The following ST14 variants were observed in gnomAD, a reference collection of about 807,000 sequenced individuals.
ST14 encodes ST14 transmembrane serine protease matriptase, also known as suppressor of tumorigenicity 14 protein.
ST14 carries 40 observed loss-of-function variants against 96.5 expected under a neutral mutation model. The ratio of observed to expected loss-of-function variants is 0.41; its 90% CI spans 0.32 to 0.54. ST14 has a LOEUF of 0.54. ST14 is among the 20% of genes least tolerant of loss of function. The probability of loss-of-function intolerance (pLI) is 0.17; values close to 1 mark genes in which losing one functional copy is unlikely to be tolerated. For missense variants in ST14, 1,066 were observed against 1,188.9 expected (o/e 0.90, Z 1.52); for synonymous variants, 506 against 492.1 (o/e 1.03, Z -0.37).
At chr11:130,197,415 C>T (rs1343634713) in intron 11 of ST14, among the ~76,000 whole-genome samples, 3 of 152,256 alleles carry the variant, frequency 2.0e-5, no homozygotes, top group South Asian at 2.1e-4. Flanking sequence ...AGGAAGTGCG[C>T]GATGCCGCAC....
chr11:130,174,512 G>A (rs1953119063), intron 1 of ST14, among the ~76,000 whole-genome samples: 1 of 151,122 alleles, frequency 6.6e-6, no homozygotes, highest in Non-Finnish European at 1.5e-5. Context: ...GTGTGTGGGT[G>A]TGGGGTGGGG....
At chr11:130,199,829 T>C in intron 15 of ST14, 122 bp from the exon 16 acceptor site, 1 of 1,213,774 alleles carries the variant, frequency 8.2e-7, no homozygotes, top group South Asian at 1.2e-5. Context: ...ACGCCAGCAG[T>C]GCTGTGCACG....
Position 130,190,812 on chromosome 11 carries a change from C to T in ST14, c.875+118C>T, listed in dbSNP as rs1459281533. 4.5e-6 allele frequency: 6 copies of T among 1,327,982 alleles called. No individual in the cohort carries two copies. The Admixed American group carries it at 1.1e-4, about 24-fold the overall frequency. 82.3% of individuals were successfully genotyped at this position (1,327,982 alleles called of 1,614,324 possible). ...CTCTTGGCCGCAGGCCACTGCTAAA[C>T]ATCCAGGCAGCAGGAGGCACGTGTG... On this transcript the variant is annotated intron_variant, in intron 7 of 18. Coordinates refer to ENST00000278742, the MANE Select transcript of ST14 (RefSeq NM_021978.4).
chr11:130,180,034 A>T lies in ST14; in HGVS notation c.82-8080A>T, dbSNP rs541160994. On this transcript the variant is annotated intron_variant, in intron 1 of 18. Coordinates refer to ENST00000278742, the MANE Select transcript of ST14 (RefSeq NM_021978.4). ...ATTACAGGGATAGTTTATGGTTCTC[A>T]TGACCCTGGTGGGGGTGATGACATC... 1.6e-4 allele frequency among the ~76,000 whole-genome samples: 25 copies of T among 152,198 alleles called. 1 individual carries two copies. Among genetic ancestry groups the T allele is most frequent in the Admixed American group, 1.6e-3 (25 of 15,286 alleles).
At chr11:130,163,942 C>T (rs1953022247) in intron 1 of ST14, among the ~76,000 whole-genome samples, 2 of 152,152 alleles carry the variant, frequency 1.3e-5, no homozygotes, top group Non-Finnish European at 2.9e-5. Context: ...ACAGCTCCCT[C>T]CCCCTACCTG....
intron 1 of ST14, among the ~76,000 whole-genome samples, chr11:130,173,992 A>G (rs1351907001): frequency 6.6e-6 from 1 of 152,274 alleles, no homozygotes; most frequent in East Asian, 1.9e-4. Flanking sequence ...AAGACAATGA[A>G]AACCTTGTTT....
intron 7 of ST14, among the ~76,000 whole-genome samples, chr11:130,192,174 C>T (rs1035582046): frequency 1.3e-5 from 2 of 152,176 alleles, no homozygotes; most frequent in East Asian, 3.9e-4. Flanking sequence ...GAAATGAGCT[C>T]GGCGGACGTT....
chr11:130,188,570 G>A lies in ST14; in HGVS notation c.282G>A (p.Met94Ile), dbSNP rs754562623. Residue 94 changes from methionine (M) to isoleucine (I), a missense_variant, in exon 3 of 19, where the codon ATG (methionine) becomes ATA (isoleucine). By Grantham distance (10) the Met-to-Ile change is conservative. Transcript: ENST00000278742. This position sits in a 1 kb window ranked among gnomAD's most constrained non-coding sequence, Gnocchi z 5.4. ...TCCAGAAGGTCTTCAATGGCTACAT[G>A]AGGATCACAAATGAGAATTTTGTGG... ...VRVQKVFNGY[M>I]RITNENFVDA... is the part of the protein sequence containing the mutation. 3 of 1,614,220 alleles carry A rather than the reference G, an allele frequency of 1.9e-6. No homozygotes were observed. Among genetic ancestry groups the A allele is most frequent in the South Asian group, 1.1e-5 (1 of 91,082 alleles).
Position 130,209,884 on chromosome 11 carries a change from A to C in ST14, c.*61A>C. ...CCACCCATCGTCCACCCCAGTGTGC[A>C]CGCCTGCAGGCTGGAGACTGGACCG... On this transcript the variant is annotated 3_prime_UTR_variant, in exon 19 of 19. Transcript: ENST00000278742. 3 of 1,595,560 alleles carry C rather than the reference A, an allele frequency of 1.9e-6. No homozygotes were observed. The highest frequency in any genetic ancestry group is 1.7e-6 in the Non-Finnish European group (2 of 1,172,584).
At chr11:130,202,814 T>A (rs1368887789) in intron 16 of ST14, among the ~76,000 whole-genome samples, 3 of 152,342 alleles carry the variant, frequency 2.0e-5, no homozygotes, top group South Asian at 4.1e-4. Flanking sequence ...AGTCCTCATC[T>A]TAAAAAGCGC....
chr11:130,203,809 T>C (rs112583657), intron 16 of ST14, among the ~76,000 whole-genome samples: 9,122 of 152,264 alleles, frequency 0.06, 338 homozygotes, highest in Middle Eastern at 0.095. Flanking sequence ...TGCGCCACCG[T>C]GCCCGGCTAA....
intron 1 of ST14, among the ~76,000 whole-genome samples, chr11:130,169,148 A>T (rs1252245633): frequency 7.5e-6 from 1 of 133,406 alleles, no homozygotes; most frequent in Non-Finnish European, 1.5e-5. Context: ...AGGCTGGAGT[A>T]CAGCGGTGTG....
At chr11:130,190,026 CG>C (rs1268639108) in intron 5 of ST14, 86 bp from the exon 6 acceptor site, 5 of 1,610,566 alleles carry the variant, frequency 3.1e-6, no homozygotes, top group African/African-American at 1.3e-5. Flanking sequence ...ACGTGCTGGC[CG>C]GGCACCTCCC....
In ST14 at chr11:130,188,369, G is replaced by C; in HGVS notation, c.241+96G>C. 1 of 1,581,106 alleles carries C rather than the reference G, an allele frequency of 6.3e-7. No homozygotes were observed. The highest frequency in any genetic ancestry group is 8.6e-7 in the Non-Finnish European group (1 of 1,160,920). On this transcript the variant is annotated intron_variant, in intron 2 of 18. Transcript: ENST00000278742. The surrounding 1 kb of genome is among the most constrained non-coding windows in gnomAD (Gnocchi z 5.4). ...ACCCAGGGCCACCTACTGAGTACAC[G>C]AGGATCTCTTGGCCTCTCTGGAACC...
At chr11:130,182,700 A>T (rs547070866) in intron 1 of ST14, among the ~76,000 whole-genome samples, 1 of 147,764 alleles carries the variant, frequency 6.8e-6, no homozygotes, top group East Asian at 2.0e-4. Flanking sequence ...CCCAGGCTGG[A>T]GTGCAGTGGT....
intron 16 of ST14, among the ~76,000 whole-genome samples, chr11:130,208,191 AG>A (rs947066314): frequency 3.9e-5 from 6 of 152,188 alleles, no homozygotes; most frequent in South Asian, 2.1e-4. Flanking sequence ...TATTCAAGGA[AG>A]GGGGGGTAAA....
intron 8 of ST14, 82 bp from the exon 9 acceptor site, chr11:130,194,558 G>A: frequency 1.4e-6 from 2 of 1,427,156 alleles, no homozygotes; most frequent in South Asian, 1.2e-5. Context: ...GCAGCTCCAG[G>A]CCTCAGGCTG....
At chr11:130,165,284 C>T (rs1428466134) in intron 1 of ST14, among the ~76,000 whole-genome samples, 1 of 152,174 alleles carries the variant, frequency 6.6e-6, no homozygotes, top group Non-Finnish European at 1.5e-5. Context: ...GATTTCTCTT[C>T]TCAGGTTGTT....
chr11:130,175,303 GT>G (rs376445688), intron 1 of ST14, among the ~76,000 whole-genome samples: 16 of 150,920 alleles, frequency 1.1e-4, no homozygotes, highest in African/African-American at 3.2e-4. Flanking sequence ...TGATTGGTGG[GT>G]TTTTTTTTGT....
Sources: gnomAD v4.1 joint callset for allele counts (sites outside exome capture counted in the v4.1 genomes callset) on GRCh38, gnomAD v4.1.1 for gene constraint, Gnocchi (gnomAD v3.1) non-coding constraint, MANE v1.5 for transcripts, NCBI Gene and HGNC (gene_info 2026-07-23, HGNC 2026-07-21) for gene names.